Variants in SULF1 observed in about 807,000 individuals in gnomAD.
SULF1 encodes sulfatase 1, also known as extracellular sulfatase Sulf-1.
In SULF1, 46 loss-of-function variants were observed where a neutral mutation model predicts 110.5. The observed-to-expected ratio is 0.42, with a 90% confidence interval of 0.33 to 0.53. The LOEUF is 0.53. Among genes scored for constraint, SULF1 ranks in the 20% least tolerant of loss-of-function variants. The probability of loss-of-function intolerance (pLI) is 0.12; values close to 1 mark genes in which losing one functional copy is unlikely to be tolerated. For synonymous variants in SULF1, 371 were observed against 387.1 expected, an observed-to-expected ratio of 0.96 and a Z score of 0.49; for missense variants, 941 against 1,094.2, an observed-to-expected ratio of 0.86 and a Z score of 1.98.
chr8:69,638,393 A>G, intron 19 of SULF1, 109 bp from the exon 20 acceptor site: 1 of 1,267,248 alleles, frequency 7.9e-7, no homozygotes, highest in Non-Finnish European at 1.1e-6. Flanking sequence ...TTTATAAGAA[A>G]GAAATTGTGA....
At chr8:69,598,698 A>C (rs185231818) in intron 8 of SULF1, among the ~76,000 whole-genome samples, 1 of 152,330 alleles carries the variant, frequency 6.6e-6, no homozygotes, top group East Asian at 1.9e-4. Flanking sequence ...GGCCCAAAAC[A>C]GCTTTTTAAG....
chr8:69,506,499 TTA>T (rs1419919432), intron 3 of SULF1, among the ~76,000 whole-genome samples: 1 of 152,220 alleles, frequency 6.6e-6, no homozygotes, highest in Non-Finnish European at 1.5e-5. Context: ...GCCAGTGAGC[TTA>T]TGTTTAAAGA....
intron 3 of SULF1, among the ~76,000 whole-genome samples, chr8:69,534,617 A>G (rs1318596396): frequency 6.6e-6 from 1 of 152,194 alleles, no homozygotes; most frequent in Non-Finnish European, 1.5e-5. Flanking sequence ...TTGGTGAAGT[A>G]AGCATGATCT....
chr8:69,634,090 G>A (rs1810795029), intron 19 of SULF1, among the ~76,000 whole-genome samples: 1 of 152,080 alleles, frequency 6.6e-6, no homozygotes, highest in South Asian at 2.1e-4. Flanking sequence ...AATGATGAAA[G>A]CATTTTCAAT....
chr8:69,602,541 G>T (rs951268005), intron 10 of SULF1, among the ~76,000 whole-genome samples: 8 of 152,232 alleles, frequency 5.3e-5, no homozygotes, highest in Admixed American at 6.5e-5. Context: ...GTGAAGCTAG[G>T]CAGACAGCGT....
At chr8:69,617,112 G>A (rs116491548) in intron 13 of SULF1, among the ~76,000 whole-genome samples, 2,441 of 151,864 alleles carry the variant, frequency 0.016, 70 homozygotes, top group African/African-American at 0.056. Context: ...GCAAAGTTAC[G>A]AAAAGTTATT....
Position 69,622,238 on chromosome 8 carries a change from C to G in SULF1, c.1594+987C>G, listed in dbSNP as rs144006095. Among the ~76,000 whole-genome samples the G allele has an allele frequency of 3.2e-4, 48 of 152,202 alleles. 1 individual carries two copies. The East Asian group carries it at 8.7e-3, about 28-fold the overall frequency. The stretch of plus-strand genomic sequence containing the variant: ...TTGGGAGACTTTTTTTCTTCCCTAA[C>G]AGAAAAATTCCAGGTCTAATAACTC... On this transcript the variant is annotated intron_variant, in intron 14 of 22. Coordinates refer to ENST00000402687, the MANE Select transcript of SULF1 (RefSeq NM_001128205.2).
At chr8:69,490,704 A>G (rs1289684194), upstream of SULF1, among the ~76,000 whole-genome samples, 1 of 152,190 alleles carries the variant, frequency 6.6e-6, no homozygotes, top group East Asian at 1.9e-4. Flanking sequence ...GAATAGAAAA[A>G]TCATTGACTA....
At chr8:69,476,837 A>G (rs1412926096) in intron 1 of SULF1, among the ~76,000 whole-genome samples, 1 of 152,240 alleles carries the variant, frequency 6.6e-6, no homozygotes. Context: ...ATCCAGTGCA[A>G]CGAACCAGAG....
chr8:69,489,571 CTTTTT>C (rs61391745), upstream of SULF1, among the ~76,000 whole-genome samples: 12 of 91,960 alleles, frequency 1.3e-4, no homozygotes, highest in Admixed American at 3.8e-4. Context: ...CTTTCTTTCT[CTTTTT>C]TTTTTTTTTT....
intron 5 of SULF1, among the ~76,000 whole-genome samples, chr8:69,571,032 G>T (rs1452267214): frequency 2.6e-5 from 4 of 152,230 alleles, no homozygotes; most frequent in African/African-American, 9.6e-5. Context: ...TAACAATGAA[G>T]TTGGGCTTTT....
At chr8:69,616,137 T>TAC (rs1365012760) in intron 13 of SULF1, among the ~76,000 whole-genome samples, 7 of 139,184 alleles carry the variant, frequency 5.0e-5, no homozygotes, top group African/African-American at 1.6e-4. Context: ...TGTATATATA[T>TAC]ACACACATAT....
At position 69,627,757 on chromosome 8, in the gene SULF1, A is replaced by C. The variant is rs1810210962; in HGVS notation, c.1948-15A>C. The C allele has an allele frequency of 6.4e-7, 1 of 1,566,614 alleles. No homozygotes were observed. Among genetic ancestry groups the C allele is most frequent in the African/African-American group, 1.4e-5 (1 of 73,508 alleles). On this transcript the variant is annotated splice_polypyrimidine_tract_variant and intron_variant, in intron 16 of 22. Transcript: ENST00000402687. Reference sequence around the variant, plus strand: ...CTGATCTTAATACGTAAGTGCTTGAAAACATGTTTTCCAGATTGAAGCTCT... The same window carrying C: ...CTGATCTTAATACGTAAGTGCTTGACAACATGTTTTCCAGATTGAAGCTCT...
intron 1 of SULF1, chr8:69,469,322 C>T (rs969702306): frequency 6.6e-6 from 1 of 152,312 alleles, no homozygotes; most frequent in Middle Eastern, 3.4e-3. Flanking sequence ...TTTGAGCACA[C>T]GGGATATCCC....
At chr8:69,651,516 A>G (rs550914687) in intron 22 of SULF1, among the ~76,000 whole-genome samples, 1 of 152,098 alleles carries the variant, frequency 6.6e-6, no homozygotes, top group South Asian at 2.1e-4. Context: ...ATATACTTTT[A>G]TCATGTTAAG....
intron 3 of SULF1, among the ~76,000 whole-genome samples, chr8:69,517,842 A>G (rs12548348): frequency 0.045 from 6,904 of 152,280 alleles, 605 homozygotes; most frequent in East Asian, 0.41. Flanking sequence ...CAATCATGCT[A>G]ACACTGATGA....
intron 19 of SULF1, among the ~76,000 whole-genome samples, chr8:69,631,607 T>C (rs1414057993): frequency 1.3e-5 from 2 of 152,220 alleles, no homozygotes; most frequent in African/African-American, 2.4e-5. Context: ...CAAAACCCCA[T>C]ATGCTCCTAT....
Position 69,493,371 on chromosome 8 carries a change from A to G in SULF1, c.-391+246A>G, listed in dbSNP as rs74708716. On this transcript the variant is annotated intron_variant, in intron 1 of 22. Coordinates refer to ENST00000402687, the MANE Select transcript of SULF1 (RefSeq NM_001128205.2). ...TAACAAAATAGTACCCAGGCGAGGT[A>G]CTGAAATTGGCCACTTTCACAGCAT... Among the ~76,000 whole-genome samples, 561 of 151,766 alleles carry G rather than the reference A, an allele frequency of 3.7e-3. 4 individuals are homozygous for G. The highest frequency in any genetic ancestry group is 0.013 in the African/African-American group (531 of 41,400).
At chr8:69,593,292 C>T (rs576272868) in intron 8 of SULF1, among the ~76,000 whole-genome samples, 1 of 152,202 alleles carries the variant, frequency 6.6e-6, no homozygotes, top group Non-Finnish European at 1.5e-5. Flanking sequence ...CAATGACCAG[C>T]TTCCTTAGCG....
Sources: gnomAD v4.1 joint callset for allele counts (sites outside exome capture counted in the v4.1 genomes callset) on GRCh38, gnomAD v4.1.1 for gene constraint, MANE v1.5 for transcripts, NCBI Gene and HGNC (gene_info 2026-07-23, HGNC 2026-07-21) for gene names.